STK10: variants seen among roughly 807,000 people sequenced by gnomAD.
STK10 encodes the protein serine/threonine kinase 10, also known as serine/threonine-protein kinase 10.
In STK10, 78 loss-of-function variants were observed where a neutral mutation model predicts 113.8. That is an observed-to-expected ratio of 0.69 (90% CI 0.57 to 0.83). STK10 has a LOEUF of 0.83. STK10 is among the 40% of genes least tolerant of loss of function. STK10 has a pLI of 0.00. For synonymous variants in STK10, 465 were observed against 494.7 expected, an observed-to-expected ratio of 0.94 and a Z score of 0.80; for missense variants, 1,109 against 1,280.1, an observed-to-expected ratio of 0.87 and a Z score of 2.04.
chr5:172,148,912 G>A (rs1040575432), intron 2 of STK10, among the ~76,000 whole-genome samples: 9 of 152,346 alleles, frequency 5.9e-5, no homozygotes, highest in East Asian at 5.8e-4. Context: ...CGAGCCAGGC[G>A]TGGTGGCTCA....
chr5:172,160,842 T>C (rs1770455774), intron 1 of STK10, among the ~76,000 whole-genome samples: 2 of 151,756 alleles, frequency 1.3e-5, no homozygotes, highest in South Asian at 4.2e-4. Context: ...ACTAGGGGAG[T>C]GGCACCAGAA....
Position 172,107,791 on chromosome 5 carries a change from GC to G in STK10, c.581del (p.Gly194AlafsTer16), listed in dbSNP as rs981462892. Reference sequence around the variant, plus strand: ...GCTACACGACTCACCAGTAAGGCGTGCCGATGAAGGAATCTCGTTTCTGTAG... The same window carrying G: ...GCTACACGACTCACCAGTAAGGCGTGCGATGAAGGAATCTCGTTTCTGTAG... ...KTLQKRDSFIGTPYWMAPEVV... is the reference protein window; with the variant it reads ...KTLQKRDSFIXTPYWMAPEVV... On this transcript the variant is annotated frameshift_variant, in exon 5 of 19. Coordinates refer to ENST00000176763, the MANE Select transcript of STK10 (RefSeq NM_005990.4). LOFTEE classifies it high-confidence loss of function. 1 of 1,613,996 alleles carries G rather than the reference GC, an allele frequency of 6.2e-7. No individual in the cohort carries two copies. The highest frequency in any genetic ancestry group is 1.3e-5 in the African/African-American group (1 of 74,936).
intron 3 of STK10, among the ~76,000 whole-genome samples, chr5:172,121,710 CTAAA>C (rs548605209): frequency 2.6e-5 from 4 of 151,702 alleles, no homozygotes; most frequent in East Asian, 1.9e-4. Flanking sequence ...AACTCTGTCT[CTAAA>C]TAAATAAATA....
intron 1 of STK10, among the ~76,000 whole-genome samples, chr5:172,164,378 G>A (rs746131150): frequency 3.3e-5 from 5 of 152,102 alleles, no homozygotes; most frequent in Non-Finnish European, 5.9e-5. Context: ...ATCAAACTAG[G>A]TCTGAGGCAC....
Position 172,106,795 on chromosome 5 carries a change from T to G in STK10, c.613A>C (p.Met205Leu), listed in dbSNP as rs372525754. 77 of 1,614,104 alleles carry G rather than the reference T, an allele frequency of 4.8e-5. 1 individual carries two copies. In the South Asian group the frequency reaches 8.1e-4, roughly 17 times the overall value. Reference sequence around the variant, plus strand: ...GGCGTGTCTTTCATGGTCTCACACATGACCACCTCGGGGGCCATCCTGAAC... The same window carrying G: ...GGCGTGTCTTTCATGGTCTCACACAGGACCACCTCGGGGGCCATCCTGAAC... ...TPYWMAPEVV[M>L]CETMKDTPYD... The change falls in exon 6 of 19, where the codon ATG becomes CTG. Residue 205 changes from methionine to leucine, a missense_variant. Met to Leu is a conservative substitution (Grantham distance 15). Coordinates refer to ENST00000176763, the MANE Select transcript of STK10 (RefSeq NM_005990.4).
At chr5:172,157,747 C>G (rs539524540) in intron 1 of STK10, among the ~76,000 whole-genome samples, 2 of 151,852 alleles carry the variant, frequency 1.3e-5, no homozygotes, top group South Asian at 2.1e-4. Context: ...TGCACCACCA[C>G]GCCTGGCTAA....
At chr5:172,169,507 G>A (rs1427137641) in intron 1 of STK10, among the ~76,000 whole-genome samples, 6 of 152,042 alleles carry the variant, frequency 3.9e-5, no homozygotes, top group African/African-American at 1.4e-4. Context: ...AGAAGAATGG[G>A]AGGGTGGGTG....
chr5:172,162,487 T>G (rs1488938861), intron 1 of STK10, among the ~76,000 whole-genome samples: 1 of 152,206 alleles, frequency 6.6e-6, no homozygotes, highest in Non-Finnish European at 1.5e-5. Context: ...ATTGTGTCCC[T>G]GCCTTTTCAT....
chr5:172,100,243 G>A (rs1043203479), intron 7 of STK10, among the ~76,000 whole-genome samples: 2 of 152,142 alleles, frequency 1.3e-5, no homozygotes, highest in African/African-American at 4.8e-5. Flanking sequence ...GCTGGTCTGG[G>A]CACACGTGTC....
intron 2 of STK10, among the ~76,000 whole-genome samples, chr5:172,143,818 C>G (rs1318963925): frequency 6.6e-6 from 1 of 152,154 alleles, no homozygotes; most frequent in African/African-American, 2.4e-5. Context: ...AGCCCGGGAC[C>G]TAGTACATCA....
At chr5:172,051,978 G>T (rs1278619643) in intron 18 of STK10, among the ~76,000 whole-genome samples, 1 of 152,204 alleles carries the variant, frequency 6.6e-6, no homozygotes, top group East Asian at 1.9e-4. Flanking sequence ...GTTTGAAGGT[G>T]AAAGTATGGC....
chr5:172,045,482 T>TCAAAAA (rs764612883), intron 18 of STK10: 43 of 447,048 alleles, frequency 9.6e-5, no homozygotes, highest in South Asian at 3.4e-4. Flanking sequence ...AGACTCCATC[T>TCAAAAA]CAAAAACAAA....
rs925871136 is a variant in STK10 at position 172,142,555 on chromosome 5, C to A, written c.321+14069G>T. Among the ~76,000 whole-genome samples, 20 of 152,224 alleles carry A rather than the reference C, an allele frequency of 1.3e-4. 1 individual carries two copies. The highest frequency in any genetic ancestry group is 3.4e-3 in the Middle Eastern group (1 of 294). Reference sequence around the variant, plus strand: ...TTTGAGAGCTTACTCTGTGCCGGGCCGTATGCTAAGTGCTTTCCATGGATT... The same window carrying A: ...TTTGAGAGCTTACTCTGTGCCGGGCAGTATGCTAAGTGCTTTCCATGGATT... On this transcript the variant is annotated intron_variant, in intron 2 of 18. Transcript: ENST00000176763.
intron 1 of STK10, among the ~76,000 whole-genome samples, chr5:172,185,019 A>G (rs1019916031): frequency 2.6e-5 from 4 of 152,166 alleles, no homozygotes; most frequent in Non-Finnish European, 5.9e-5. Flanking sequence ...AAGAGGAGAC[A>G]GTATCGATTG....
intron 2 of STK10, among the ~76,000 whole-genome samples, chr5:172,153,495 G>C (rs1314405747): frequency 3.3e-5 from 5 of 152,184 alleles, no homozygotes; most frequent in African/African-American, 9.7e-5. Flanking sequence ...AGCTAATCTT[G>C]TCAAATTGCA....
intron 2 of STK10, among the ~76,000 whole-genome samples, chr5:172,127,969 A>C (rs894080030): frequency 6.6e-6 from 1 of 152,236 alleles, no homozygotes; most frequent in Non-Finnish European, 1.5e-5. Flanking sequence ...TAACTGACCA[A>C]GGCCACAGAG....
intron 1 of STK10, among the ~76,000 whole-genome samples, chr5:172,167,388 G>A (rs1038011339): frequency 6.6e-6 from 1 of 152,182 alleles, no homozygotes; most frequent in Non-Finnish European, 1.5e-5. Flanking sequence ...TAATGAAATT[G>A]TAACTAGGCT....
chr5:172,177,576 T>C (rs1770780855), intron 1 of STK10, among the ~76,000 whole-genome samples: 1 of 152,220 alleles, frequency 6.6e-6, no homozygotes, highest in African/African-American at 2.4e-5. Context: ...CTGGTGCAGA[T>C]GGAGATGTGC....
At position 172,138,158 on chromosome 5, in the gene STK10, G is replaced by A. The variant is rs184633643; in HGVS notation, c.322-10737C>T. Among the ~76,000 whole-genome samples the A allele has an allele frequency of 2.8e-3, 432 of 152,242 alleles. 4 individuals are homozygous for A. Among genetic ancestry groups the A allele is most frequent in the African/African-American group, 9.6e-3 (399 of 41,544 alleles). On this transcript the variant is annotated intron_variant, in intron 2 of 18. Coordinates refer to ENST00000176763, the MANE Select transcript of STK10 (RefSeq NM_005990.4). ...TTTTATTGAGATGGAGTCTCACTCT[G>A]TCACCCAGGCTGGAGTGCAGTGGCA...
Sources: allele counts gnomAD v4.1 joint callset (sites outside exome capture counted in the v4.1 genomes callset), GRCh38; gene constraint gnomAD v4.1.1; transcripts MANE v1.5; gene names NCBI Gene and HGNC (gene_info 2026-07-23, HGNC 2026-07-21).